STAB2: variants seen among roughly 807,000 people sequenced by gnomAD.
STAB2 encodes stabilin 2.
In STAB2, 288 loss-of-function variants were observed where a neutral mutation model predicts 338.1. That is an observed-to-expected ratio of 0.85 (90% CI 0.77 to 0.94). The LOEUF is 0.94. Among genes scored for constraint, STAB2 ranks in the 40% least tolerant of loss-of-function variants. STAB2 has a pLI of 0.00. For synonymous variants in STAB2, 1,202 were observed against 1,193.3 expected (o/e 1.01, Z -0.15); for missense variants, 3,141 against 3,210.1 (o/e 0.98, Z 0.52).
intron 28 of STAB2, among the ~76,000 whole-genome samples, chr12:103,689,276 C>T (rs1022768060): frequency 1.3e-5 from 2 of 151,956 alleles, no homozygotes; most frequent in Non-Finnish European, 2.9e-5. Context: ...TGAGGTTAGG[C>T]GTTCAAGACT....
In STAB2 at chr12:103,733,013, G is replaced by T. The variant is rs1448889077; in HGVS notation, c.5291G>T (p.Gly1764Val). 6.2e-7 allele frequency: 1 copy of T among 1,613,606 alleles called. No homozygotes were observed. Among genetic ancestry groups the T allele is most frequent in the Non-Finnish European group, 8.5e-7 (1 of 1,179,792 alleles). ...IKFSNLIQDS[G>V]LLSVITDPIH... is the part of the protein sequence containing the mutation. ...TGAATCCCTGTGTTTCAGGACTCAG[G>T]TTTGCTGAGTGTCATCACCGATCCC... is the stretch of plus-strand genomic sequence containing the variant. The change falls in exon 51 of 69, where the codon GGT (glycine) becomes GTT (valine). Residue 1764 changes from glycine to valine, a missense_variant. By Grantham distance (109) the Gly-to-Val change is moderately radical. Coordinates refer to ENST00000388887, the MANE Select transcript of STAB2 (RefSeq NM_017564.10).
At chr12:103,716,967 A>G (rs549954870) in intron 43 of STAB2, among the ~76,000 whole-genome samples, 1 of 152,320 alleles carries the variant, frequency 6.6e-6, no homozygotes, top group South Asian at 2.1e-4. Flanking sequence ...AAAGAGGAAG[A>G]GAAACGGGAA....
chr12:103,751,762 C>T (rs181185456), intron 60 of STAB2, among the ~76,000 whole-genome samples: 4 of 152,302 alleles, frequency 2.6e-5, no homozygotes, highest in African/African-American at 9.6e-5. Flanking sequence ...TGGAAATCTA[C>T]CCAGACCATA....
intron 42 of STAB2, among the ~76,000 whole-genome samples, chr12:103,714,897 G>A (rs1166332010): frequency 2.0e-5 from 3 of 152,096 alleles, no homozygotes; most frequent in Non-Finnish European, 4.4e-5. Flanking sequence ...TAATACTTTT[G>A]TCTAATTACC....
intron 5 of STAB2, among the ~76,000 whole-genome samples, chr12:103,622,362 T>C (rs909234492): frequency 2.0e-5 from 3 of 151,938 alleles, no homozygotes; most frequent in Non-Finnish European, 2.9e-5. Flanking sequence ...AAAAGGGAAA[T>C]GACATACAGC....
chr12:103,648,371 T>C (rs1873486471), intron 9 of STAB2, among the ~76,000 whole-genome samples: 1 of 152,194 alleles, frequency 6.6e-6, no homozygotes, highest in African/African-American at 2.4e-5. Flanking sequence ...GGTCCACATT[T>C]ATTATATTAA....
intron 3 of STAB2, among the ~76,000 whole-genome samples, chr12:103,604,949 TTTC>T (rs138686601): frequency 0.32 from 48,320 of 150,970 alleles, 9,807 homozygotes; most frequent in African/African-American, 0.58. Flanking sequence ...ATTTAAAAAC[TTTC>T]TTCTTTTCTC....
chr12:103,675,654 G>A (rs185974302), intron 23 of STAB2, among the ~76,000 whole-genome samples: 2 of 152,348 alleles, frequency 1.3e-5, no homozygotes, highest in Non-Finnish European at 2.9e-5. Context: ...GAGGTATTAG[G>A]CCCATTTTCC....
intron 30 of STAB2, among the ~76,000 whole-genome samples, chr12:103,691,243 T>C (rs1408612040): frequency 6.6e-6 from 1 of 152,174 alleles, no homozygotes; most frequent in Non-Finnish European, 1.5e-5. Flanking sequence ...CACTGCAAAA[T>C]GAGAACTGCT....
chr12:103,638,333 C>T, intron 8 of STAB2, 121 bp downstream of exon 8: 2 of 1,126,260 alleles, frequency 1.8e-6, no homozygotes, highest in Non-Finnish European at 2.5e-6. Context: ...CTTGGTCTTC[C>T]CCTCCAGACA....
chr12:103,715,911 C>T, intron 43 of STAB2, 23 bp downstream of exon 43: 3 of 1,613,068 alleles, frequency 1.9e-6, no homozygotes. Context: ...TCTCCCAGGC[C>T]CTTAGGTTTC....
At chr12:103,695,984 C>G in intron 33 of STAB2, 140 bp downstream of exon 33, 1 of 784,414 alleles carries the variant, frequency 1.3e-6, no homozygotes, top group Non-Finnish European at 2.1e-6. Context: ...GGTGCAGAGA[C>G]TCTCTCATAC....
At chr12:103,750,542 A>G (rs1566075853) in intron 59 of STAB2, 37 bp from the exon 60 acceptor site, 1 of 1,609,730 alleles carries the variant, frequency 6.2e-7, no homozygotes, top group Admixed American at 1.7e-5. Context: ...GTCCTAGAGA[A>G]GGAACTTTTT....
Position 103,725,054 on chromosome 12 carries a change from A to G in STAB2, c.4763A>G (p.Tyr1588Cys). ...AGGACTTGTACTTGCAAGCCAAACT[A>G]CATTGGAGATGGATTTACCTGCCGC... Reference protein sequence around the residue: ...VERTCTCKPNYIGDGFTCRGS... With the variant: ...VERTCTCKPNCIGDGFTCRGS... The change falls in exon 45 of 69, where the codon TAC (tyrosine) becomes TGC (cysteine). Residue 1588 changes from tyrosine (Y) to cysteine (C), a missense_variant. Physicochemically the swap from Tyr to Cys is radical, Grantham distance 194. Transcript: ENST00000388887. 6.2e-7 allele frequency: 1 copy of G among 1,613,742 alleles called. No homozygotes were observed. The highest frequency in any genetic ancestry group is 8.5e-7 in the Non-Finnish European group (1 of 1,179,630).
intron 15 of STAB2, among the ~76,000 whole-genome samples, chr12:103,656,989 A>AT (rs972137331): frequency 2.4e-4 from 37 of 152,238 alleles, no homozygotes; most frequent in African/African-American, 8.4e-4. Context: ...CCCGGCCAGG[A>AT]TTTTTTTAAA....
intron 28 of STAB2, among the ~76,000 whole-genome samples, chr12:103,689,044 T>C (rs1035496221): frequency 6.6e-6 from 1 of 152,062 alleles, no homozygotes; most frequent in African/African-American, 2.4e-5. Context: ...GATCCAGTTG[T>C]TAAACATGCC....
intron 60 of STAB2, among the ~76,000 whole-genome samples, chr12:103,752,237 C>T (rs1883728176): frequency 6.6e-6 from 1 of 152,138 alleles, no homozygotes; most frequent in South Asian, 2.1e-4. Context: ...TATACATCTA[C>T]TCAAATTCAT....
Position 103,733,302 on chromosome 12 carries a change from A to G in STAB2, c.5460+120A>G, listed in dbSNP as rs1451642724. The G allele has an allele frequency of 2.6e-5, 31 of 1,177,988 alleles. No individual in the cohort carries two copies. In the East Asian group the frequency reaches 7.4e-4, roughly 28 times the overall value. 73.0% of individuals were successfully genotyped at this position (1,177,988 alleles called of 1,614,324 possible). The stretch of plus-strand genomic sequence containing the variant: ...GTCCCTGTCACCACTGTATGCAGGA[A>G]GCCACAGCATCCCCTGCCCCACTGT... On this transcript the variant is annotated intron_variant, in intron 51 of 68. Transcript: ENST00000388887.
At chr12:103,666,666 A>G (rs1875137862) in intron 19 of STAB2, among the ~76,000 whole-genome samples, 1 of 152,226 alleles carries the variant, frequency 6.6e-6, no homozygotes, top group African/African-American at 2.4e-5. Flanking sequence ...CTCAGTTCCC[A>G]TCTACTTTTT....
Sources: gnomAD v4.1 joint callset for allele counts (sites outside exome capture counted in the v4.1 genomes callset) on GRCh38, gnomAD v4.1.1 for gene constraint, MANE v1.5 for transcripts, NCBI Gene and HGNC (gene_info 2026-07-23, HGNC 2026-07-21) for gene names.